The following SAP130 variants were observed in gnomAD, a reference collection of about 807,000 sequenced individuals.
The protein encoded by SAP130 is Sin3A associated protein 130.
A neutral mutation model predicts 103.2 loss-of-function variants in SAP130; 16 were observed. The observed-to-expected ratio is 0.16, with a 90% CI of 0.10 to 0.24. The LOEUF (loss-of-function observed/expected upper bound fraction) is 0.24. Ranked by LOEUF, SAP130 falls within the 10% of genes least tolerant of loss-of-function variation. The probability of loss-of-function intolerance (pLI) is 1.00; values close to 1 mark genes in which losing one functional copy is unlikely to be tolerated. For synonymous variants in SAP130, 477 were observed against 497.0 expected, an observed-to-expected ratio of 0.96 and a Z score of 0.53; for missense variants, 990 against 1,359.7, an observed-to-expected ratio of 0.73 and a Z score of 4.28.
intron 7 of SAP130, among the ~76,000 whole-genome samples, chr2:128,002,469 C>T (rs1220798853): frequency 6.6e-6 from 1 of 151,984 alleles, no homozygotes; most frequent in East Asian, 1.9e-4. Flanking sequence ...GCAGAGGTTG[C>T]AGTGAGCCAA....
chr2:128,008,787 G>C (rs1319679366), intron 7 of SAP130, among the ~76,000 whole-genome samples: 1 of 151,742 alleles, frequency 6.6e-6, no homozygotes, highest in African/African-American at 2.4e-5. Flanking sequence ...CAGGGCTCAA[G>C]TCATCCTCCC....
intron 4 of SAP130, 93 bp downstream of exon 4, chr2:128,016,296 T>C: frequency 1.5e-6 from 2 of 1,301,490 alleles, no homozygotes; most frequent in African/African-American, 1.5e-5. Context: ...CTTTTTTTAT[T>C]ACCGTGACTA....
At chr2:127,957,494 G>A (rs1679925135) in intron 15 of SAP130, among the ~76,000 whole-genome samples, 3 of 152,030 alleles carry the variant, frequency 2.0e-5, no homozygotes, top group Admixed American at 1.3e-4. Context: ...AGTTAACATA[G>A]GGAAACCCCA....
chr2:128,022,162 T>C (rs964888986), intron 2 of SAP130, among the ~76,000 whole-genome samples: 1 of 152,216 alleles, frequency 6.6e-6, no homozygotes, highest in Non-Finnish European at 1.5e-5. Context: ...TTTCTGTCAC[T>C]ATGGCATAGT....
Position 127,975,551 on chromosome 2 carries a change from GA to G in SAP130, c.2063+2433del, listed in dbSNP as rs201906669. On this transcript the variant is annotated intron_variant, in intron 15 of 20. Coordinates refer to ENST00000643581, the MANE Select transcript of SAP130 (RefSeq NM_001330301.2). ...AAATAGTTTATTTCTATTTTGGATT[GA>G]CAATAGTAATAACCAAAAAAAATTA... Among the ~76,000 whole-genome samples, 639 of 152,030 alleles carry G rather than the reference GA, an allele frequency of 4.2e-3. 7 individuals carry two copies. Among genetic ancestry groups the G allele is most frequent in the African/African-American group, 0.014 (575 of 41,346 alleles).
chr2:127,959,718 G>A (rs1680102194), intron 15 of SAP130, among the ~76,000 whole-genome samples: 2 of 152,104 alleles, frequency 1.3e-5, no homozygotes, highest in African/African-American at 2.4e-5. Context: ...GATAAATGAT[G>A]AAGCAAATTA....
chr2:127,983,626 G>A (rs1079066), intron 14 of SAP130, among the ~76,000 whole-genome samples: 32,968 of 151,960 alleles, frequency 0.22, 4,759 homozygotes, highest in African/African-American at 0.41. Flanking sequence ...TGTGATGACA[G>A]GCTGTGAATT....
chr2:128,001,796 G>A (rs1204261498), intron 7 of SAP130, among the ~76,000 whole-genome samples: 1 of 151,806 alleles, frequency 6.6e-6, no homozygotes, highest in African/African-American at 2.4e-5. Flanking sequence ...TCATTTCTCA[G>A]ACTGTATCCC....
In SAP130 at chr2:127,978,050, A is replaced by G; in HGVS notation, c.1998T>C (p.Pro666=). The G allele has an allele frequency of 6.4e-7, 1 of 1,551,838 alleles. No individual in the cohort carries two copies. The highest frequency in any genetic ancestry group is 1.2e-5 in the South Asian group (1 of 84,056). ...VRKTLIPPQP[P]DVASPRVESS... ...TTTCCACTCGAGGACTAGCAACATCAGGAGGCTGAGGAGGAATGAGGGTTT... is the reference window on the plus strand; with the variant it reads ...TTTCCACTCGAGGACTAGCAACATCGGGAGGCTGAGGAGGAATGAGGGTTT... The change falls in exon 15 of 21, where the codon CCT becomes CCC. Residue 666 remains proline (P), a synonymous_variant. Coordinates refer to ENST00000643581, the MANE Select transcript of SAP130 (RefSeq NM_001330301.2).
chr2:127,944,447 C>T (rs1052439479), intron 19 of SAP130, among the ~76,000 whole-genome samples: 10 of 151,346 alleles, frequency 6.6e-5, no homozygotes, highest in Admixed American at 2.6e-4. Flanking sequence ...TTTTTTTCCC[C>T]GAGAGGGAGT....
At chr2:128,005,055 G>C (rs1167136324) in intron 7 of SAP130, among the ~76,000 whole-genome samples, 2 of 152,144 alleles carry the variant, frequency 1.3e-5, no homozygotes, top group Admixed American at 1.3e-4. Flanking sequence ...ACTGTACCAT[G>C]AATTTAAAAA....
intron 7 of SAP130, among the ~76,000 whole-genome samples, chr2:128,009,792 A>T (rs758141976): frequency 2.0e-5 from 3 of 152,202 alleles, no homozygotes; most frequent in Non-Finnish European, 2.9e-5. Context: ...GGTGGTCCTT[A>T]TAAGTGGCAA....
intron 15 of SAP130, among the ~76,000 whole-genome samples, chr2:127,967,596 C>T (rs1225612587): frequency 6.6e-6 from 1 of 152,200 alleles, no homozygotes; most frequent in Non-Finnish European, 1.5e-5. Context: ...ACGGGTTTCA[C>T]CATCTTGGCC....
chr2:128,027,978 C>T lies in SAP130; in HGVS notation c.-45G>A. 1.0e-6 allele frequency: 1 copy of T among 985,674 alleles called. No homozygotes were observed. The highest frequency in any genetic ancestry group is 1.7e-5 in the African/African-American group (1 of 57,364). The allele number at this position is 985,674 out of a possible 1,614,324, so 61.1% of individuals were successfully genotyped here. A position where few individuals can be genotyped will look rare whatever the true frequency, so the allele number is the denominator to read the frequency against. On this transcript the variant is annotated 5_prime_UTR_variant, in exon 1 of 21. Transcript: ENST00000643581. The stretch of plus-strand genomic sequence containing the variant: ...CCAGTGGCCGCCGCGCCGCCTTGAG[C>T]TCGCTCCCGCGCGCTCTCCGTCTGT...
intron 10 of SAP130, among the ~76,000 whole-genome samples, chr2:127,997,930 A>G (rs1036989145): frequency 2.6e-5 from 4 of 152,298 alleles, no homozygotes; most frequent in East Asian, 1.9e-4. Flanking sequence ...CCTGGCCAAC[A>G]TGGTGAAACC....
At chr2:127,992,797 C>T (rs1559076651) in intron 12 of SAP130, among the ~76,000 whole-genome samples, 1 of 152,180 alleles carries the variant, frequency 6.6e-6, no homozygotes, top group Non-Finnish European at 1.5e-5. Context: ...CAAACCTGCA[C>T]AAGTACCATG....
rs906339841 is a variant in SAP130, at chr2:127,941,658, G to A, written c.*348C>T. The A allele has an allele frequency of 1.2e-5, 3 of 258,224 alleles. No homozygotes were observed. Among genetic ancestry groups the A allele is most frequent in the East Asian group, 1.3e-4 (1 of 7,632 alleles). The allele number at this position is 258,224 out of a possible 1,614,324, so 16.0% of individuals were successfully genotyped here. A position where few individuals can be genotyped will look rare whatever the true frequency, so the allele number is the denominator to read the frequency against. ...TCAGTCCAGGCTCAGTATGGGGCCT[G>A]CAGGAATCCACTAGATAAATACAGT... On this transcript the variant is annotated 3_prime_UTR_variant, in exon 21 of 21. Coordinates refer to ENST00000643581, the MANE Select transcript of SAP130 (RefSeq NM_001330301.2).
In SAP130 at chr2:127,953,808, C is replaced by CG. The variant is rs1679651508; in HGVS notation, c.2422+1177_2422+1178insC. On this transcript the variant is annotated intron_variant, in intron 16 of 20. Coordinates refer to ENST00000643581, the MANE Select transcript of SAP130 (RefSeq NM_001330301.2). The surrounding 1 kb of genome is among the most constrained non-coding windows in gnomAD (Gnocchi z 4.0). The stretch of plus-strand genomic sequence containing the variant: ...CTAAAACTCTTTACACACATTCCAG[C>CG]CCTGGCTACAGCTTTCCTTATATTT... 6.6e-6 allele frequency among the ~76,000 whole-genome samples: 1 copy of CG among 152,148 alleles called. No homozygotes were observed. Among genetic ancestry groups the CG allele is most frequent in the Non-Finnish European group, 1.5e-5 (1 of 68,026 alleles).
chr2:127,947,080 C>T lies in SAP130; in HGVS notation c.2798-1521G>A, dbSNP rs540667781. ...AGGCAGAGAGACACAGAGAAGAATG[C>T]CATTTGAAGATGGAGGCAGGGACTG... On this transcript the variant is annotated intron_variant, in intron 18 of 20. Coordinates refer to ENST00000643581, the MANE Select transcript of SAP130 (RefSeq NM_001330301.2). Among the ~76,000 whole-genome samples, 22 of 151,102 alleles carry T rather than the reference C, an allele frequency of 1.5e-4. No individual in the cohort carries two copies. In the East Asian group the frequency reaches 4.3e-3, roughly 29 times the overall value.
Sources: gnomAD v4.1 joint callset for allele counts (sites outside exome capture counted in the v4.1 genomes callset) on GRCh38, gnomAD v4.1.1 for gene constraint, Gnocchi (gnomAD v3.1) non-coding constraint, MANE v1.5 for transcripts, NCBI Gene and HGNC (gene_info 2026-07-23, HGNC 2026-07-21) for gene names.